CCM2: variants seen among roughly 807,000 people sequenced by gnomAD.
CCM2 encodes CCM2 scaffold protein.
A neutral mutation model predicts 44.9 loss-of-function variants in CCM2; 25 were observed. That is an observed-to-expected ratio of 0.56 (90% CI 0.41 to 0.78). The LOEUF is 0.78. Among genes scored for constraint, CCM2 ranks in the 30% least tolerant of loss-of-function variants. CCM2 has a pLI of 0.00. For synonymous variants in CCM2, 219 were observed against 241.1 expected, an observed-to-expected ratio of 0.91 and a Z score of 0.85; for missense variants, 481 against 580.6, an observed-to-expected ratio of 0.83 and a Z score of 1.76.
intron 8 of CCM2, chr7:45,073,905 A>T: frequency 3.8e-6 from 2 of 520,246 alleles, no homozygotes; most frequent in South Asian, 4.3e-5. Flanking sequence ...TAGTTCTGTC[A>T]TTGCAAACTC....
Position 45,052,418 on chromosome 7 carries a change from T to C in CCM2, c.205-11500T>C, listed in dbSNP as rs138216314. 9.4e-3 allele frequency among the ~76,000 whole-genome samples: 1,429 copies of C among 152,314 alleles called. 24 individuals carry two copies. The highest frequency in any genetic ancestry group is 0.051 in the Middle Eastern group (15 of 294). ...GGTTTTCTTTCTGTCAGCTGTGTAT[T>C]GGGAACCCTTTCTGAGGCTGTGGGT... On this transcript the variant is annotated intron_variant, in intron 2 of 9. Transcript: ENST00000258781.
chr7:45,050,467 C>T (rs1009393247), intron 2 of CCM2, among the ~76,000 whole-genome samples: 2 of 152,196 alleles, frequency 1.3e-5, no homozygotes, highest in Non-Finnish European at 2.9e-5. Flanking sequence ...CAAGAGGCTC[C>T]TGGAACCAAG....
chr7:45,056,976 A>C (rs1163777007), intron 2 of CCM2, among the ~76,000 whole-genome samples: 1 of 152,058 alleles, frequency 6.6e-6, no homozygotes. Flanking sequence ...ACCCATTTTG[A>C]GTTAATCTTT....
chr7:45,044,855 C>T lies in CCM2; in HGVS notation c.204+6429C>T, dbSNP rs144055472. On this transcript the variant is annotated intron_variant, in intron 2 of 9. Coordinates refer to ENST00000258781, the MANE Select transcript of CCM2 (RefSeq NM_031443.4). ...TCCTTCCTTAGACCTCTTAAGTATA[C>T]CCTATAATATGATTTTTAATTCAAA... 1.6e-3 allele frequency among the ~76,000 whole-genome samples: 240 copies of T among 152,164 alleles called. 1 individual carries two copies. The highest frequency in any genetic ancestry group is 5.3e-3 in the African/African-American group (220 of 41,488).
In CCM2 at chr7:45,032,620, G is replaced by A. The variant is rs531562688; in HGVS notation, c.31-5633G>A. Among the ~76,000 whole-genome samples, 4 of 152,300 alleles carry A rather than the reference G, an allele frequency of 2.6e-5. No individual in the cohort carries two copies. In the East Asian group the frequency reaches 7.7e-4, roughly 29 times the overall value. On this transcript the variant is annotated intron_variant, in intron 1 of 9. Coordinates refer to ENST00000258781, the MANE Select transcript of CCM2 (RefSeq NM_031443.4). ...CTTGACTGTGACATCGTTGAGGGCA[G>A]GGGCTGTGTCACCTCTAACCAAAGG...
intron 2 of CCM2, among the ~76,000 whole-genome samples, chr7:45,056,640 T>C (rs1798277105): frequency 7.8e-6 from 1 of 128,904 alleles, no homozygotes; most frequent in Non-Finnish European, 1.5e-5. Context: ...TAGAGAAATG[T>C]CAAGTCATTT....
In CCM2 at chr7:45,075,842, G is replaced by T. The variant is rs200669376; in HGVS notation, c.1120G>T (p.Val374Leu). 38 of 1,613,646 alleles carry T rather than the reference G, an allele frequency of 2.4e-5. No individual in the cohort carries two copies. The highest frequency in any genetic ancestry group is 1.8e-5 in the Non-Finnish European group (21 of 1,180,032). The change falls in exon 10 of 10, where the codon GTG (valine) becomes TTG (leucine). Residue 374 changes from valine (V) to leucine (L), a missense_variant. Transcript: ENST00000258781. ...HFENFLETIG[V>L]KDGRGIITDS... ...CGAGAACTTCCTGGAGACCATTGGCGTGAAGGATGGCCGCGGCATCATCAC... is the reference window on the plus strand; with the variant it reads ...CGAGAACTTCCTGGAGACCATTGGCTTGAAGGATGGCCGCGGCATCATCAC...
intron 1 of CCM2, among the ~76,000 whole-genome samples, chr7:45,004,697 T>G (rs1350087510): frequency 6.6e-6 from 1 of 152,192 alleles, no homozygotes; most frequent in Non-Finnish European, 1.5e-5. Flanking sequence ...TAATTCTATT[T>G]TTTTTTCTTT....
At chr7:45,066,951 A>C (rs1403986936) in intron 4 of CCM2, among the ~76,000 whole-genome samples, 1 of 147,134 alleles carries the variant, frequency 6.8e-6, no homozygotes, top group African/African-American at 2.5e-5. Flanking sequence ...CCCAGGCTGG[A>C]GTGTAGTGCC....
At chr7:45,065,265 C>T (rs1343564808) in intron 4 of CCM2, among the ~76,000 whole-genome samples, 1 of 152,250 alleles carries the variant, frequency 6.6e-6, no homozygotes, top group Non-Finnish European at 1.5e-5. Context: ...CAGCAGCTTC[C>T]AGCCCAGGCA....
intron 1 of CCM2, among the ~76,000 whole-genome samples, chr7:45,028,542 A>T (rs1256042125): frequency 6.6e-6 from 1 of 152,088 alleles, no homozygotes; most frequent in Non-Finnish European, 1.5e-5. Flanking sequence ...CTGTAATCCC[A>T]GCTATTTGGG....
chr7:45,065,893 C>T (rs760006189), intron 4 of CCM2, among the ~76,000 whole-genome samples: 20 of 152,186 alleles, frequency 1.3e-4, no homozygotes, highest in Non-Finnish European at 2.5e-4. Flanking sequence ...TGTTTTTCTA[C>T]CTTTGGACCC....
chr7:45,014,242 C>T (rs1295963946), intron 1 of CCM2, among the ~76,000 whole-genome samples: 7 of 151,986 alleles, frequency 4.6e-5, no homozygotes, highest in Non-Finnish European at 8.8e-5. Context: ...CAGGTTCAAG[C>T]GATTCTTCTG....
At chr7:45,004,991 C>T (rs1236308891) in intron 1 of CCM2, among the ~76,000 whole-genome samples, 2 of 87,618 alleles carry the variant, frequency 2.3e-5, no homozygotes, top group African/African-American at 1.2e-4. Flanking sequence ...AGTAAGACTC[C>T]GTCTCAAAAA....
Position 45,026,252 on chromosome 7 carries a change from G to GT in CCM2, c.31-11996dup, listed in dbSNP as rs1796685871. ...AATCTGAAATTGTGACTCTACTCTG[G>GT]TTTTTAAAGACAGAAAGTGACAGTC... On this transcript the variant is annotated intron_variant, in intron 1 of 9. Coordinates refer to ENST00000258781, the MANE Select transcript of CCM2 (RefSeq NM_031443.4). Among the ~76,000 whole-genome samples the GT allele has an allele frequency of 2.0e-5, 3 of 152,164 alleles. No homozygotes were observed. In the South Asian group the frequency reaches 6.2e-4, roughly 31 times the overall value.
At chr7:45,001,824 C>G (rs1211539900) in intron 1 of CCM2, among the ~76,000 whole-genome samples, 1 of 152,116 alleles carries the variant, frequency 6.6e-6, no homozygotes, top group Non-Finnish European at 1.5e-5. Flanking sequence ...GTAAAATTAT[C>G]AAGAATTTTC....
At chr7:45,064,033 C>T in intron 3 of CCM2, 32 bp downstream of exon 3, 1 of 1,450,142 alleles carries the variant, frequency 6.9e-7, no homozygotes. Flanking sequence ...TGTGCACTAG[C>T]CCTCAGCCCC....
At position 45,072,279 on chromosome 7, in the gene CCM2, G is replaced by A. The variant is rs111586342; in HGVS notation, c.746-447G>A. 7.2e-3 allele frequency: 2,401 copies of A among 335,138 alleles called. 21 individuals carry two copies. Among genetic ancestry groups the A allele is most frequent in the Non-Finnish European group, 0.01 (1,745 of 171,032 alleles). 20.8% of individuals were successfully genotyped at this position (335,138 alleles called of 1,614,324 possible). The stretch of plus-strand genomic sequence containing the variant: ...GTTCAGATGGGGAGTCAGACTGCCC[G>A]GCTCTGACTGTGGTTTCTGCTGTGT... On this transcript the variant is annotated intron_variant, in intron 6 of 9. Coordinates refer to ENST00000258781, the MANE Select transcript of CCM2 (RefSeq NM_031443.4).
chr7:45,072,498 T>C, intron 6 of CCM2: 2 of 630,630 alleles, frequency 3.2e-6, no homozygotes, highest in Non-Finnish European at 5.8e-6. Context: ...CAGCAGGATT[T>C]GCATTTGCCA....
Sources: gnomAD v4.1 joint callset for allele counts (sites outside exome capture counted in the v4.1 genomes callset) on GRCh38, gnomAD v4.1.1 for gene constraint, MANE v1.5 for transcripts, NCBI Gene and HGNC (gene_info 2026-07-23, HGNC 2026-07-21) for gene names.